OASL: variants seen among roughly 807,000 people sequenced by gnomAD.
OASL encodes 2'-5'-oligoadenylate synthetase like.
In OASL, 28 loss-of-function variants were observed where a neutral mutation model predicts 35.3. The ratio of observed to expected loss-of-function variants is 0.79; its 90% CI spans 0.59 to 1.09. The LOEUF is 1.09. Ranked by LOEUF, OASL falls within the 50% of genes least tolerant of loss-of-function variation. OASL has a pLI of 0.00. For missense variants in OASL, 620 were observed against 635.2 expected (o/e 0.98, Z 0.26); for synonymous variants, 252 against 254.6 (o/e 0.99, Z 0.10).
At chr12:121,031,699 CT>C in intron 2 of OASL, 82 bp from the exon 3 acceptor site, 1 of 1,234,674 alleles carries the variant, frequency 8.1e-7, no homozygotes. Flanking sequence ...GAGAGCCTGC[CT>C]TTACATTGGA....
chr12:121,026,213 G>A (rs2135905756), intron 4 of OASL, among the ~76,000 whole-genome samples: 1 of 152,286 alleles, frequency 6.6e-6, no homozygotes, highest in East Asian at 1.9e-4. Context: ...GGAGTCTCAG[G>A]TCCTGATGCT....
intron 5 of OASL, chr12:121,023,621 T>G (rs1460209386): frequency 1.1e-5 from 2 of 177,098 alleles, no homozygotes; most frequent in Non-Finnish European, 2.4e-5. Context: ...TTTCTGTGCC[T>G]GTGTTGTCCC....
At chr12:121,030,926 A>G (rs1869701501) in intron 3 of OASL, among the ~76,000 whole-genome samples, 1 of 151,966 alleles carries the variant, frequency 6.6e-6, no homozygotes, top group South Asian at 2.1e-4. Flanking sequence ...GCTTGAGACC[A>G]CTTCGAAACC....
intron 4 of OASL, among the ~76,000 whole-genome samples, chr12:121,025,758 T>C (rs77766429): frequency 8.0e-6 from 1 of 124,600 alleles, no homozygotes; most frequent in African/African-American, 2.9e-5. Context: ...CAAGACTCCA[T>C]TAAAAAAAAA....
At chr12:121,018,353 G>C, downstream of OASL, among the ~76,000 whole-genome samples, 1 of 152,140 alleles carries the variant, frequency 6.6e-6, no homozygotes, top group Non-Finnish European at 1.5e-5. Flanking sequence ...CGTCTCTCTC[G>C]GTCTTCAGGG....
At chr12:121,023,940 T>C in intron 5 of OASL, 50 bp downstream of exon 5, 1 of 1,605,248 alleles carries the variant, frequency 6.2e-7, no homozygotes, top group South Asian at 1.1e-5. Context: ...GAGTAGTTTA[T>C]CTGTCGTTCT....
exon 6 of OASL, chr12:121,020,835 A>T (rs988882772): frequency 5.6e-6 from 9 of 1,614,118 alleles, no homozygotes; most frequent in Non-Finnish European, 7.6e-6. Flanking sequence ...CAGCAGATAG[A>T]TGTGAGTGTG....
exon 5 of OASL, chr12:121,024,113 G>T (rs1363038598): frequency 6.2e-7 from 1 of 1,614,130 alleles, no homozygotes; most frequent in Non-Finnish European, 8.5e-7. Context: ...TGAGGGTGGG[G>T]TCGGCCGGAT....
intron 5 of OASL, among the ~76,000 whole-genome samples, chr12:121,023,286 T>C (rs11065401): frequency 7.5e-5 from 7 of 93,432 alleles, no homozygotes; most frequent in South Asian, 3.7e-4. Context: ...CTTTTTTTTT[T>C]CTTTTTTTCT....
intron 1 of OASL, among the ~76,000 whole-genome samples, chr12:121,038,321 T>C (rs10849832): frequency 0.13 from 20,314 of 152,174 alleles, 1,606 homozygotes; most frequent in East Asian, 0.28. Context: ...ACAAAACTAC[T>C]GTTACACCTA....
chr12:121,032,301 C>T (rs1339175674), intron 2 of OASL, among the ~76,000 whole-genome samples: 1 of 152,270 alleles, frequency 6.6e-6, no homozygotes, highest in East Asian at 1.9e-4. Flanking sequence ...CAGATCCTGT[C>T]TCTTATACCT....
chr12:121,033,492 C>A (rs1470209811), exon 2 of OASL: 1 of 1,613,480 alleles, frequency 6.2e-7, no homozygotes, highest in Non-Finnish European at 8.5e-7. Flanking sequence ...CAATGGTGAC[C>A]GTGATGGGCT....
intron 5 of OASL, chr12:121,023,703 G>A: frequency 3.2e-6 from 1 of 314,956 alleles, no homozygotes; most frequent in East Asian, 6.5e-5. Flanking sequence ...TGACTTGGCT[G>A]GACCCAACTC....
At chr12:121,033,318 G>T in intron 2 of OASL, 143 bp downstream of exon 2, 1 of 777,492 alleles carries the variant, frequency 1.3e-6, no homozygotes, top group Non-Finnish European at 2.1e-6. Flanking sequence ...CCTGTGCACT[G>T]CAATAACCCA....
exon 6 of OASL, chr12:121,020,703 C>A: frequency 6.2e-7 from 1 of 1,614,144 alleles, no homozygotes. Context: ...TTTAGGAAGC[C>A]CCTGCTGGTC....
At chr12:121,036,748 G>A (rs1291440292) in intron 1 of OASL, among the ~76,000 whole-genome samples, 1 of 152,138 alleles carries the variant, frequency 6.6e-6, no homozygotes, top group South Asian at 2.1e-4. Flanking sequence ...GTTGGGGAGG[G>A]GGTGGTCTAG....
At chr12:121,023,953 C>A in intron 5 of OASL, 37 bp downstream of exon 5, 1 of 1,611,318 alleles carries the variant, frequency 6.2e-7, no homozygotes, top group Non-Finnish European at 8.5e-7. Flanking sequence ...GTCGTTCTGA[C>A]CTTCAAGCCC....
At chr12:121,021,105 G>T (rs936675851) in intron 5 of OASL, 47 bp from the exon 6 acceptor site, 5 of 1,500,132 alleles carry the variant, frequency 3.3e-6, no homozygotes, top group Non-Finnish European at 4.4e-6. Flanking sequence ...ACACTTCTTT[G>T]TCTGATGTGC....
intron 1 of OASL, among the ~76,000 whole-genome samples, chr12:121,036,197 T>C (rs990373793): frequency 6.6e-6 from 1 of 152,130 alleles, no homozygotes; most frequent in Non-Finnish European, 1.5e-5. Flanking sequence ...ACTGGTAAGA[T>C]CCAGGCAGAG....
Sources: gnomAD v4.1 joint callset for allele counts (sites outside exome capture counted in the v4.1 genomes callset) on GRCh38, gnomAD v4.1.1 for gene constraint, MANE v1.5 for transcripts, NCBI Gene and HGNC (gene_info 2026-07-23, HGNC 2026-07-21) for gene names.